NALF1: variants seen among roughly 807,000 people sequenced by gnomAD.
NALF1 encodes NALCN channel auxiliary factor 1, also known as family with sequence similarity 155 member A.
A neutral mutation model predicts 48.4 loss-of-function variants in NALF1; 3 were observed. That is an observed-to-expected ratio of 0.06 (90% CI 0.03 to 0.16). The LOEUF is 0.16. Ranked by LOEUF, NALF1 falls within the 10% of genes least tolerant of loss-of-function variation. The pLI is 1.00. For synonymous variants in NALF1, 262 were observed against 245.7 expected, an observed-to-expected ratio of 1.07 and a Z score of -0.62; for missense variants, 526 against 571.5, an observed-to-expected ratio of 0.92 and a Z score of 0.81.
chr13:107,186,534 AT>A (rs1275620161), intron 2 of NALF1, among the ~76,000 whole-genome samples: 1 of 151,964 alleles, frequency 6.6e-6, no homozygotes, highest in Non-Finnish European at 1.5e-5. Flanking sequence ...CGCCCAGCTA[AT>A]TTTTGTAATT....
chr13:107,458,681 T>C (rs774570856), intron 1 of NALF1, among the ~76,000 whole-genome samples: 1 of 152,220 alleles, frequency 6.6e-6, no homozygotes, highest in South Asian at 2.1e-4. Context: ...GCTGCCTTGA[T>C]TTACTCACTG....
At chr13:107,222,126 T>C (rs1880007277) in intron 1 of NALF1, among the ~76,000 whole-genome samples, 1 of 152,178 alleles carries the variant, frequency 6.6e-6, no homozygotes, top group Non-Finnish European at 1.5e-5. Context: ...GTAACACTAA[T>C]CTTAATTAGG....
rs61429641 is a variant in NALF1 at position 107,586,635 on chromosome 13, A to ATTTTTTTT, written c.915+279039_915+279046dup. Among the ~76,000 whole-genome samples the ATTTTTTTT allele has an allele frequency of 3.9e-4, 36 of 93,108 alleles. 3 individuals carry two copies. In the East Asian group the frequency reaches 4.5e-3, roughly 12 times the overall value. 61.1% of individuals were successfully genotyped at this position (93,108 alleles called of 152,430 possible). The stretch of plus-strand genomic sequence containing the variant: ...CTACATTTAAAGCTCCCCTATGGAG[A>ATTTTTTTT]TTTTTTTTTTTTTTGCTAGGAATGA... On this transcript the variant is annotated intron_variant, in intron 1 of 2. Transcript: ENST00000375915.
In NALF1 at chr13:107,514,976, T is replaced by G. The variant is rs572897210; in HGVS notation, c.916-304221A>C. Among the ~76,000 whole-genome samples, 4 of 152,222 alleles carry G rather than the reference T, an allele frequency of 2.6e-5. No homozygotes were observed. The South Asian group carries it at 8.3e-4, about 32-fold the overall frequency. On this transcript the variant is annotated intron_variant, in intron 1 of 2. Transcript: ENST00000375915. Reference sequence around the variant, plus strand: ...TCCTATGCATAGAGGAGACATAGACTGTAACCTCAAAGATGTCCAGAAAGA... The same window carrying G: ...TCCTATGCATAGAGGAGACATAGACGGTAACCTCAAAGATGTCCAGAAAGA...
intron 1 of NALF1, among the ~76,000 whole-genome samples, chr13:107,433,504 C>T (rs564869535): frequency 6.9e-4 from 105 of 152,132 alleles, no homozygotes; most frequent in African/African-American, 2.5e-3. Flanking sequence ...TGGAAATACA[C>T]TTCCCATTTC....
chr13:107,374,004 A>G (rs1362364185), intron 1 of NALF1, among the ~76,000 whole-genome samples: 3 of 152,256 alleles, frequency 2.0e-5, no homozygotes, highest in Non-Finnish European at 4.4e-5. Flanking sequence ...AAATAAAAAC[A>G]TTTGGGACGT....
intron 1 of NALF1, among the ~76,000 whole-genome samples, chr13:107,236,862 C>T (rs1269608775): frequency 6.6e-6 from 1 of 152,070 alleles, no homozygotes; most frequent in African/African-American, 2.4e-5. Context: ...TTTTCCTTGT[C>T]ATTATTCCCT....
intron 1 of NALF1, among the ~76,000 whole-genome samples, chr13:107,862,207 T>G (rs1439251900): frequency 1.3e-5 from 2 of 152,156 alleles, no homozygotes; most frequent in Admixed American, 6.5e-5. Context: ...GAAGTTTGTC[T>G]GTAAAATAAA....
chr13:107,754,067 G>A (rs543137062), intron 1 of NALF1, among the ~76,000 whole-genome samples: 1 of 152,202 alleles, frequency 6.6e-6, no homozygotes, highest in South Asian at 2.1e-4. Context: ...CTAATCCATG[G>A]GGAATAAAAG....
intron 1 of NALF1, among the ~76,000 whole-genome samples, chr13:107,841,880 A>G (rs1880051686): frequency 6.6e-6 from 1 of 152,032 alleles, no homozygotes; most frequent in Non-Finnish European, 1.5e-5. Context: ...TGAAAATCAT[A>G]CGGAGAAATA....
At chr13:107,471,326 A>T (rs966354993) in intron 1 of NALF1, among the ~76,000 whole-genome samples, 1 of 152,230 alleles carries the variant, frequency 6.6e-6, no homozygotes, top group South Asian at 2.1e-4. Context: ...ACATGTACAT[A>T]TAAGAAAGAG....
In NALF1 at chr13:107,688,794, C is replaced by T. The variant is rs769764309; in HGVS notation, c.915+176888G>A. Among the ~76,000 whole-genome samples the T allele has an allele frequency of 6.6e-5, 10 of 152,042 alleles. No individual in the cohort carries two copies. The South Asian group carries it at 1.2e-3, about 19-fold the overall frequency. ...TGAATCAGAAATTTCAATGCATGGG[C>T]GAAATCCCTCTCTGAATACATAGAG... On this transcript the variant is annotated intron_variant, in intron 1 of 2. Transcript: ENST00000375915.
intron 1 of NALF1, among the ~76,000 whole-genome samples, chr13:107,350,312 T>TA (rs60624755): frequency 2.7e-3 from 408 of 152,042 alleles, no homozygotes; most frequent in Non-Finnish European, 4.5e-3. Flanking sequence ...TGAGTTCCTG[T>TA]AAAAAAAATT....
chr13:107,458,207 A>G (rs1884856272), intron 1 of NALF1, among the ~76,000 whole-genome samples: 1 of 152,200 alleles, frequency 6.6e-6, no homozygotes, highest in Non-Finnish European at 1.5e-5. Context: ...CATTGAAGGA[A>G]AAACGTAGAC....
At chr13:107,289,882 T>C (rs897929659) in intron 1 of NALF1, among the ~76,000 whole-genome samples, 3 of 152,120 alleles carry the variant, frequency 2.0e-5, no homozygotes, top group African/African-American at 7.2e-5. Context: ...GAAGAATAAA[T>C]GGAATTAAAA....
intron 1 of NALF1, among the ~76,000 whole-genome samples, chr13:107,312,080 C>T (rs190343487): frequency 5.1e-4 from 77 of 152,244 alleles, no homozygotes; most frequent in African/African-American, 1.7e-3. Context: ...TGGTATAAAT[C>T]CAAAGGATTA....
chr13:107,580,760 G>A (rs992586693), intron 1 of NALF1, among the ~76,000 whole-genome samples: 1 of 152,120 alleles, frequency 6.6e-6, no homozygotes, highest in African/African-American at 2.4e-5. Context: ...CATGTTTAAT[G>A]CACAGATTGT....
intron 1 of NALF1, among the ~76,000 whole-genome samples, chr13:107,212,203 G>T (rs916820555): frequency 1.4e-4 from 22 of 152,132 alleles, no homozygotes; most frequent in African/African-American, 5.1e-4. Flanking sequence ...GCTTTATTCT[G>T]TGATCAAGGT....
chr13:107,337,252 C>T (rs1882578720), intron 1 of NALF1, among the ~76,000 whole-genome samples: 1 of 151,798 alleles, frequency 6.6e-6, no homozygotes, highest in Admixed American at 6.6e-5. Context: ...TATGAAAATG[C>T]ATAATTCTGT....
Sources: gnomAD v4.1 joint callset for allele counts (sites outside exome capture counted in the v4.1 genomes callset) on GRCh38, gnomAD v4.1.1 for gene constraint, MANE v1.5 for transcripts, NCBI Gene and HGNC (gene_info 2026-07-23, HGNC 2026-07-21) for gene names.